Variants in PAN3 observed in about 807,000 individuals in gnomAD.
The protein encoded by PAN3 is PAN2-PAN3 deadenylation complex subunit PAN3.
PAN3 carries 19 observed loss-of-function variants against 96.2 expected under a neutral mutation model. That is an observed-to-expected ratio of 0.20 (90% CI 0.14 to 0.29). PAN3 has a LOEUF of 0.29. PAN3 is among the 10% of genes least tolerant of loss of function. The pLI is 1.00. For missense variants in PAN3, 882 were observed against 1,108.1 expected (o/e 0.80, Z 2.90); for synonymous variants, 433 against 406.6 (o/e 1.06, Z -0.78).
At chr13:28,243,235 G>A (rs933398449) in intron 6 of PAN3, among the ~76,000 whole-genome samples, 2 of 152,138 alleles carry the variant, frequency 1.3e-5, no homozygotes, top group African/African-American at 4.8e-5. Flanking sequence ...CCCTATTTAG[G>A]ATGATCTTCA....
At chr13:28,257,515 A>G (rs910035315) in intron 7 of PAN3, among the ~76,000 whole-genome samples, 1 of 151,102 alleles carries the variant, frequency 6.6e-6, no homozygotes, top group East Asian at 1.9e-4. Context: ...GAGTAAGTGA[A>G]GTTTCATCCG....
At position 28,147,984 on chromosome 13, in the gene PAN3, C is replaced by T. The variant is rs559176427; in HGVS notation, c.430+8897C>T. 2.6e-5 allele frequency among the ~76,000 whole-genome samples: 4 copies of T among 151,712 alleles called. No homozygotes were observed. The East Asian group carries it at 7.7e-4, about 29-fold the overall frequency. ...TTTTCTTTTCTTTTTGAGACAAAGT[C>T]TTGCTCTGTTTCCCATGCTGGAGTG... On this transcript the variant is annotated intron_variant, in intron 1 of 18. Coordinates refer to ENST00000380958, the MANE Select transcript of PAN3 (RefSeq NM_175854.8).
At chr13:28,162,476 C>G (rs191385210) in intron 1 of PAN3, among the ~76,000 whole-genome samples, 299 of 151,894 alleles carry the variant, frequency 2.0e-3, no homozygotes, top group Middle Eastern at 6.8e-3. Context: ...CATGAGCTCA[C>G]GAGTTTGAGA....
At chr13:28,205,873 AAAAAG>A (rs1014794526) in intron 5 of PAN3, among the ~76,000 whole-genome samples, 10 of 151,870 alleles carry the variant, frequency 6.6e-5, no homozygotes, top group South Asian at 2.1e-4. Context: ...AAAAAAAAAA[AAAAAG>A]AAAAGAAATG....
At chr13:28,173,371 A>C (rs1874550626) in intron 1 of PAN3, among the ~76,000 whole-genome samples, 2 of 152,216 alleles carry the variant, frequency 1.3e-5, no homozygotes, top group Admixed American at 6.5e-5. Flanking sequence ...TGATGATACT[A>C]TTCAGCCATA....
At chr13:28,172,460 A>G (rs1443288753) in intron 1 of PAN3, among the ~76,000 whole-genome samples, 1 of 152,192 alleles carries the variant, frequency 6.6e-6, no homozygotes, top group East Asian at 1.9e-4. Context: ...TGTCTCAAAA[A>G]AAAAATTATT....
intron 5 of PAN3, chr13:28,215,366 C>T (rs916833620): frequency 3.3e-5 from 25 of 751,096 alleles, no homozygotes; most frequent in Admixed American, 8.8e-5. Context: ...CTCCAGTCAA[C>T]GTTACAACTG....
At chr13:28,209,526 A>G (rs1879777828) in intron 5 of PAN3, among the ~76,000 whole-genome samples, 2 of 152,208 alleles carry the variant, frequency 1.3e-5, no homozygotes, top group South Asian at 4.1e-4. Context: ...AATTTTTAAT[A>G]GTTATACATT....
At chr13:28,287,125 C>G (rs1048338471) in intron 17 of PAN3, among the ~76,000 whole-genome samples, 2 of 152,260 alleles carry the variant, frequency 1.3e-5, no homozygotes, top group South Asian at 2.1e-4. Context: ...AATGTCCATG[C>G]AAATACCGAT....
chr13:28,181,883 T>C (rs1348754426), intron 4 of PAN3, among the ~76,000 whole-genome samples: 2 of 152,246 alleles, frequency 1.3e-5, no homozygotes, highest in Admixed American at 6.5e-5. Context: ...GATTTTCTTT[T>C]ATTTGTCACA....
At chr13:28,263,560 G>T (rs1203863302) in intron 9 of PAN3, among the ~76,000 whole-genome samples, 1 of 152,080 alleles carries the variant, frequency 6.6e-6, no homozygotes, top group Non-Finnish European at 1.5e-5. Flanking sequence ...TGAACTTCTG[G>T]ACTCAAGTGA....
intron 1 of PAN3, among the ~76,000 whole-genome samples, chr13:28,166,117 A>G (rs990232449): frequency 2.0e-5 from 3 of 152,210 alleles, no homozygotes; most frequent in African/African-American, 7.2e-5. Flanking sequence ...TCAAAAGTCC[A>G]AAGTCCAGAG....
Position 28,291,059 on chromosome 13 carries a change from A to G in PAN3, c.2524-1323A>G, listed in dbSNP as rs189285220. 2.7e-4 allele frequency among the ~76,000 whole-genome samples: 41 copies of G among 152,268 alleles called. No homozygotes were observed. In the East Asian group the frequency reaches 6.6e-3, roughly 24 times the overall value. ...TAGCTAGTAGTAAATAATACCCCAA[A>G]TCTGAAGTGTGACAATATTCTAAGT... On this transcript the variant is annotated intron_variant, in intron 18 of 18. Coordinates refer to ENST00000380958, the MANE Select transcript of PAN3 (RefSeq NM_175854.8).
chr13:28,217,857 A>T (rs966017062), intron 5 of PAN3, among the ~76,000 whole-genome samples: 102 of 151,182 alleles, frequency 6.7e-4, no homozygotes, highest in African/African-American at 2.4e-3. Context: ...TTTTATTTCT[A>T]TTTTTCTTAT....
chr13:28,170,041 C>G (rs977475290), intron 1 of PAN3, among the ~76,000 whole-genome samples: 1 of 152,092 alleles, frequency 6.6e-6, no homozygotes, highest in Admixed American at 6.5e-5. Context: ...AGCAAAACTC[C>G]ATCTCAAAAT....
At chr13:28,150,486 G>A (rs1192355391) in intron 1 of PAN3, among the ~76,000 whole-genome samples, 4 of 151,726 alleles carry the variant, frequency 2.6e-5, no homozygotes, top group Admixed American at 6.6e-5. Context: ...TTAGCCAGGC[G>A]TGGTGGCGGG....
intron 5 of PAN3, among the ~76,000 whole-genome samples, chr13:28,207,054 G>A (rs377666035): frequency 3.3e-5 from 5 of 151,960 alleles, no homozygotes; most frequent in African/African-American, 1.2e-4. Flanking sequence ...GAGGCAGGGC[G>A]GGTTCCTGTA....
intron 5 of PAN3, among the ~76,000 whole-genome samples, chr13:28,203,889 C>T (rs1361937471): frequency 6.7e-6 from 1 of 148,904 alleles, no homozygotes; most frequent in East Asian, 2.0e-4. Flanking sequence ...CTGCATCCTC[C>T]ACCTTCCAGC....
chr13:28,157,100 G>A (rs112708400), intron 1 of PAN3, among the ~76,000 whole-genome samples: 6 of 149,496 alleles, frequency 4.0e-5, no homozygotes, highest in East Asian at 2.0e-4. Flanking sequence ...AATGTTACCC[G>A]TCACATAAAC....
Sources: gnomAD v4.1 joint callset for allele counts (sites outside exome capture counted in the v4.1 genomes callset) on GRCh38, gnomAD v4.1.1 for gene constraint, MANE v1.5 for transcripts, NCBI Gene and HGNC (gene_info 2026-07-23, HGNC 2026-07-21) for gene names.